MRPS28: variants seen among roughly 807,000 people sequenced by gnomAD.
MRPS28 encodes the protein mitochondrial ribosomal protein S28.
In MRPS28, 7 loss-of-function variants were observed where a neutral mutation model predicts 10.8. That is an observed-to-expected ratio of 0.65 (90% CI 0.37 to 1.22). The LOEUF (loss-of-function observed/expected upper bound fraction) is 1.22. MRPS28 is among the 50% of genes most tolerant of loss of function. The pLI is 0.02. For missense variants in MRPS28, 265 were observed against 232.9 expected (o/e 1.14, Z -0.90); for synonymous variants, 121 against 93.3 (o/e 1.30, Z -1.71).
At chr8:79,987,697 C>G in intron 2 of MRPS28, among the ~76,000 whole-genome samples, 1 of 152,178 alleles carries the variant, frequency 6.6e-6, no homozygotes. Context: ...CACTGGCCAT[C>G]AGAGAAATGC....
intron 1 of MRPS28, among the ~76,000 whole-genome samples, chr8:80,008,249 T>C (rs1172731307): frequency 1.3e-5 from 2 of 152,204 alleles, no homozygotes; most frequent in African/African-American, 4.8e-5. Context: ...GATCCCTTTC[T>C]TACACCTTAT....
intron 1 of MRPS28, among the ~76,000 whole-genome samples, chr8:80,022,205 G>A (rs187699174): frequency 9.3e-5 from 14 of 150,526 alleles, no homozygotes; most frequent in East Asian, 7.8e-4. Flanking sequence ...AACTTTTTGG[G>A]ACTGGCTTTT....
intron 2 of MRPS28, among the ~76,000 whole-genome samples, chr8:79,938,426 CTT>C (rs11350416): frequency 6.9e-4 from 98 of 142,582 alleles, no homozygotes; most frequent in Middle Eastern, 3.6e-3. Context: ...GTGGGCTGTG[CTT>C]TTTTTTTTTT....
Position 79,985,623 on chromosome 8 carries a change from T to C in MRPS28, c.395+17376A>G, listed in dbSNP as rs1276703056. 2.0e-5 allele frequency among the ~76,000 whole-genome samples: 3 copies of C among 152,076 alleles called. No homozygotes were observed. In the East Asian group the frequency reaches 5.8e-4, roughly 29 times the overall value. The stretch of plus-strand genomic sequence containing the variant: ...CCACCGATCCCACAGAAATACAAAC[T>C]AACATCAGAGAATACTATAAACACC... On this transcript the variant is annotated intron_variant, in intron 2 of 2. Coordinates refer to ENST00000276585, the MANE Select transcript of MRPS28 (RefSeq NM_014018.3).
intron 2 of MRPS28, among the ~76,000 whole-genome samples, chr8:79,936,756 T>A (rs1806614857): frequency 6.6e-6 from 1 of 152,212 alleles, no homozygotes; most frequent in Non-Finnish European, 1.5e-5. Flanking sequence ...TTTTAAAAAA[T>A]CTGTGCTTGC....
intron 1 of MRPS28, among the ~76,000 whole-genome samples, chr8:80,024,957 A>G (rs1480500278): frequency 2.0e-5 from 3 of 152,210 alleles, no homozygotes; most frequent in African/African-American, 7.2e-5. Context: ...GGTCTAAGAG[A>G]GGAGGTGATT....
At chr8:79,995,884 T>C (rs558844610) in intron 2 of MRPS28, among the ~76,000 whole-genome samples, 108 of 152,026 alleles carry the variant, frequency 7.1e-4, no homozygotes, top group Non-Finnish European at 1.3e-3. Context: ...AAGAGGAAAA[T>C]TAGGAGGTCT....
intron 2 of MRPS28, among the ~76,000 whole-genome samples, chr8:79,919,931 A>G (rs2129829796): frequency 1.4e-5 from 1 of 74,002 alleles, no homozygotes; most frequent in Non-Finnish European, 2.7e-5. Flanking sequence ...ATATCTCCTA[A>G]TGCTATCCCT....
chr8:79,974,524 G>A (rs970118779), intron 2 of MRPS28, among the ~76,000 whole-genome samples: 7 of 151,432 alleles, frequency 4.6e-5, no homozygotes, highest in Non-Finnish European at 1.0e-4. Context: ...CTGGGCGACA[G>A]AGCGAGACTC....
At chr8:79,988,978 A>C (rs1212750410) in intron 2 of MRPS28, among the ~76,000 whole-genome samples, 1 of 152,230 alleles carries the variant, frequency 6.6e-6, no homozygotes, top group Non-Finnish European at 1.5e-5. Context: ...AAGAAAATAA[A>C]GGTATGTGAC....
At chr8:79,923,592 G>A (rs925911188) in intron 2 of MRPS28, among the ~76,000 whole-genome samples, 2 of 151,980 alleles carry the variant, frequency 1.3e-5, no homozygotes, top group Non-Finnish European at 2.9e-5. Flanking sequence ...CAGAAATCTT[G>A]TATTTCCTAT....
chr8:79,934,658 TTA>T (rs1806557745), intron 2 of MRPS28, among the ~76,000 whole-genome samples: 2 of 152,300 alleles, frequency 1.3e-5, no homozygotes, highest in South Asian at 4.1e-4. Flanking sequence ...GTGATTAGAT[TTA>T]TATATATGTT....
At chr8:79,940,265 G>T (rs1024964999) in intron 2 of MRPS28, among the ~76,000 whole-genome samples, 3 of 152,102 alleles carry the variant, frequency 2.0e-5, no homozygotes, top group Non-Finnish European at 4.4e-5. Context: ...CCCTGTTCTG[G>T]AGAGCTGTTA....
chr8:80,027,816 G>C (rs144875820), intron 1 of MRPS28, among the ~76,000 whole-genome samples: 329 of 152,290 alleles, frequency 2.2e-3, no homozygotes, highest in African/African-American at 7.7e-3. Context: ...AGAAATTGGT[G>C]AACTGTACAT....
At chr8:79,957,862 T>TA (rs1163663639) in intron 2 of MRPS28, 1 of 152,270 alleles carries the variant, frequency 6.6e-6, no homozygotes, top group Admixed American at 6.5e-5. Flanking sequence ...ACAAATGTCT[T>TA]AAACAGTCAT....
chr8:79,949,200 G>A (rs1469688849), intron 2 of MRPS28, among the ~76,000 whole-genome samples: 8 of 152,046 alleles, frequency 5.3e-5, no homozygotes, highest in Admixed American at 5.2e-4. Flanking sequence ...TGGATCACAA[G>A]GTCAGGAGCT....
intron 2 of MRPS28, among the ~76,000 whole-genome samples, 195 bp downstream of exon 2, chr8:80,002,804 C>T (rs945030870): frequency 1.3e-5 from 2 of 152,188 alleles, no homozygotes; most frequent in South Asian, 4.1e-4. Context: ...GCTCTCACTG[C>T]TTTGAGAAGA....
At chr8:80,000,558 T>C (rs1435589584) in intron 2 of MRPS28, among the ~76,000 whole-genome samples, 2 of 152,198 alleles carry the variant, frequency 1.3e-5, no homozygotes, top group Non-Finnish European at 2.9e-5. Flanking sequence ...ATTTATATAA[T>C]AGAATGTGTG....
chr8:79,975,033 C>A (rs781102111), intron 2 of MRPS28, among the ~76,000 whole-genome samples: 2 of 151,872 alleles, frequency 1.3e-5, no homozygotes, highest in Admixed American at 6.6e-5. Context: ...ACGTATAATC[C>A]CAGCACTTTG....
Sources: allele counts gnomAD v4.1 joint callset (sites outside exome capture counted in the v4.1 genomes callset), GRCh38; gene constraint gnomAD v4.1.1; transcripts MANE v1.5; gene names NCBI Gene and HGNC (gene_info 2026-07-23, HGNC 2026-07-21).